ADGB: variants seen among roughly 807,000 people sequenced by gnomAD.
The protein encoded by ADGB is calpain-7-like protein.
A neutral mutation model predicts 210.5 loss-of-function variants in ADGB; 172 were observed. The ratio of observed to expected loss-of-function variants is 0.82; its 90% CI spans 0.72 to 0.93. The LOEUF is 0.93. ADGB is among the 40% of genes least tolerant of loss of function. ADGB has a pLI of 0.00. For missense variants in ADGB, 2,025 were observed against 1,964.8 expected, an observed-to-expected ratio of 1.03 and a Z score of -0.58; for synonymous variants, 658 against 662.7, an observed-to-expected ratio of 0.99 and a Z score of 0.11.
At chr6:146,762,425 C>T (rs1393016136) in intron 27 of ADGB, among the ~76,000 whole-genome samples, 1 of 152,068 alleles carries the variant, frequency 6.6e-6, no homozygotes, top group Non-Finnish European at 1.5e-5. Context: ...GTATGTTCAT[C>T]TTTTTCCATA....
rs1329469856 is a variant in ADGB, at chr6:146,795,055, A to T, written c.4538-6128A>T. ...CATTGGTGACCCCAAGGAAGCCAGGATTAAAAATAAATAAAAATTAAAGAA... is the reference window on the plus strand; with the variant it reads ...CATTGGTGACCCCAAGGAAGCCAGGTTTAAAAATAAATAAAAATTAAAGAA... On this transcript the variant is annotated intron_variant, in intron 33 of 35. Coordinates refer to ENST00000397944, the MANE Select transcript of ADGB (RefSeq NM_024694.4). Among the ~76,000 whole-genome samples, 7 of 152,338 alleles carry T rather than the reference A, an allele frequency of 4.6e-5. No individual in the cohort carries two copies. The East Asian group carries it at 1.4e-3, about 29-fold the overall frequency.
At chr6:146,613,404 G>C (rs570350565) in intron 1 of ADGB, among the ~76,000 whole-genome samples, 1 of 152,104 alleles carries the variant, frequency 6.6e-6, no homozygotes, top group African/African-American at 2.4e-5. Flanking sequence ...TTCTGATTCC[G>C]TGAGGGTATT....
intron 35 of ADGB, among the ~76,000 whole-genome samples, chr6:146,813,621 GTC>G (rs1778335707): frequency 7.5e-6 from 1 of 133,110 alleles, no homozygotes; most frequent in African/African-American, 2.7e-5. Flanking sequence ...TCAGAGGAAT[GTC>G]TGTTTCGCAA....
At chr6:146,810,052 A>G (rs545294693) in intron 35 of ADGB, among the ~76,000 whole-genome samples, 1 of 152,282 alleles carries the variant, frequency 6.6e-6, no homozygotes, top group Non-Finnish European at 1.5e-5. Flanking sequence ...TGTAAACTGT[A>G]TATCTGGCAA....
rs954755160 is a variant in ADGB at position 146,609,153 on chromosome 6, G to A, written c.74+10039G>A. On this transcript the variant is annotated intron_variant, in intron 1 of 35. Transcript: ENST00000397944. Reference sequence around the variant, plus strand: ...TTTTTGTCCCTTTCGATCGTTGTTGGCTTAAAGTCTGTTTTGTCTGAAATA... The same window carrying A: ...TTTTTGTCCCTTTCGATCGTTGTTGACTTAAAGTCTGTTTTGTCTGAAATA... 2.6e-5 allele frequency among the ~76,000 whole-genome samples: 4 copies of A among 152,192 alleles called. No individual in the cohort carries two copies. In the East Asian group the frequency reaches 7.7e-4, roughly 29 times the overall value.
intron 27 of ADGB, among the ~76,000 whole-genome samples, chr6:146,755,853 T>C (rs887528480): frequency 2.0e-5 from 3 of 152,094 alleles, no homozygotes; most frequent in African/African-American, 7.2e-5. Context: ...CAATAGTGTT[T>C]ATTTTGATTA....
In ADGB at chr6:146,815,298, A is replaced by G. The variant is rs543604337; in HGVS notation, c.*81A>G. ...ATCTTTAACTGCCTGCTGTTAAGAT[A>G]TTAGGCCAAATGAAAATAGAAATTT... On this transcript the variant is annotated 3_prime_UTR_variant, in exon 36 of 36. Coordinates refer to ENST00000397944, the MANE Select transcript of ADGB (RefSeq NM_024694.4). The G allele has an allele frequency of 8.2e-5, 87 of 1,061,412 alleles. No homozygotes were observed. In the Admixed American group the frequency reaches 1.8e-3, roughly 22 times the overall value. 65.7% of individuals were successfully genotyped at this position (1,061,412 alleles called of 1,614,324 possible). A position where few individuals can be genotyped will look rare whatever the true frequency, so the allele number is the denominator to read the frequency against.
intron 23 of ADGB, among the ~76,000 whole-genome samples, chr6:146,739,368 G>A (rs188529702): frequency 6.6e-6 from 1 of 152,116 alleles, no homozygotes; most frequent in African/African-American, 2.4e-5. Context: ...TAATAATTAG[G>A]CCTGTAATAA....
intron 34 of ADGB, among the ~76,000 whole-genome samples, chr6:146,801,539 C>CTTTT (rs1342022667): frequency 4.6e-5 from 7 of 152,070 alleles, no homozygotes; most frequent in Non-Finnish European, 8.8e-5. Context: ...CAAAGGAAAA[C>CTTTT]CTACAAGATA....
At chr6:146,691,748 T>A (rs571973272) in intron 11 of ADGB, among the ~76,000 whole-genome samples, 1 of 151,306 alleles carries the variant, frequency 6.6e-6, no homozygotes, top group Non-Finnish European at 1.5e-5. Context: ...ACCACATATA[T>A]GAAGCTCATT....
chr6:146,741,841 CTT>C (rs1466852542), intron 25 of ADGB, among the ~76,000 whole-genome samples: 18 of 152,154 alleles, frequency 1.2e-4, no homozygotes, highest in Non-Finnish European at 2.4e-4. Flanking sequence ...TCATATTTGT[CTT>C]TTCAGTCATT....
chr6:146,726,707 A>T (rs1246823876), intron 19 of ADGB, among the ~76,000 whole-genome samples: 1 of 152,196 alleles, frequency 6.6e-6, no homozygotes, highest in Non-Finnish European at 1.5e-5. Flanking sequence ...AAATATGTAT[A>T]CTTTTCTCTA....
chr6:146,760,675 A>T (rs940312862), intron 27 of ADGB, among the ~76,000 whole-genome samples: 2 of 151,914 alleles, frequency 1.3e-5, no homozygotes. Context: ...TTATTTTAAG[A>T]TGGTAAACAG....
At chr6:146,718,153 C>A (rs1776761586) in intron 16 of ADGB, among the ~76,000 whole-genome samples, 1 of 152,038 alleles carries the variant, frequency 6.6e-6, no homozygotes, top group Non-Finnish European at 1.5e-5. Flanking sequence ...GCTTCACCAG[C>A]CTGACCAACA....
At chr6:146,724,495 T>A in intron 18 of ADGB, 168 bp downstream of exon 18, 1 of 604,842 alleles carries the variant, frequency 1.7e-6, no homozygotes, top group Non-Finnish European at 2.7e-6. Flanking sequence ...TCCAAAAAAC[T>A]ACATTGAGAA....
At chr6:146,803,635 A>T in intron 35 of ADGB, 2 of 1,337,606 alleles carry the variant, frequency 1.5e-6, no homozygotes, top group Non-Finnish European at 2.1e-6. Context: ...CTTTTTTTCT[A>T]GGAAGATCAA....
At chr6:146,638,262 A>G (rs928908013) in intron 2 of ADGB, among the ~76,000 whole-genome samples, 1 of 152,034 alleles carries the variant, frequency 6.6e-6, no homozygotes, top group Admixed American at 6.6e-5. Flanking sequence ...TTACATAAAC[A>G]TACTCTTTGA....
intron 35 of ADGB, among the ~76,000 whole-genome samples, chr6:146,811,561 T>G (rs1778303269): frequency 6.6e-6 from 1 of 152,166 alleles, no homozygotes; most frequent in African/African-American, 2.4e-5. Context: ...AATTTGTCAT[T>G]ACAATTTAAG....
In ADGB at chr6:146,691,117, C is replaced by A. The variant is rs552720133; in HGVS notation, c.1313C>A (p.Ala438Glu). Residue 438 changes from alanine (A) to glutamate (E), a missense_variant and splice_region_variant, in exon 11 of 36, where the codon GCA (alanine) becomes GAA (glutamate). Ala to Glu is a moderately radical substitution (Grantham distance 107). Transcript: ENST00000397944. ...TTCAATTTACTTTCCATCTTCTAGGCAGATTCTGCTGAGAAACTTAGAGAA... is the reference window on the plus strand; with the variant it reads ...TTCAATTTACTTTCCATCTTCTAGGAAGATTCTGCTGAGAAACTTAGAGAA... ...ENKIFSLEKM[A>E]DSAEKLREYG... is the part of the protein sequence containing the mutation. The A allele has an allele frequency of 6.6e-6, 10 of 1,515,916 alleles. No homozygotes were observed. Among genetic ancestry groups the A allele is most frequent in the Non-Finnish European group, 8.8e-6 (10 of 1,132,622 alleles). The allele number at this position is 1,515,916 out of a possible 1,614,324, so 93.9% of individuals were successfully genotyped here.
Sources: gnomAD v4.1 joint callset for allele counts (sites outside exome capture counted in the v4.1 genomes callset) on GRCh38, gnomAD v4.1.1 for gene constraint, MANE v1.5 for transcripts, NCBI Gene and HGNC (gene_info 2026-07-23, HGNC 2026-07-21) for gene names.